Variants in MAGI2 observed in about 807,000 individuals in gnomAD.
The protein encoded by MAGI2 is membrane-associated guanylate kinase, WW and PDZ domain-containing protein 2.
Under a neutral mutation model 133.3 loss-of-function variants are expected in MAGI2, and 35 were observed. The observed-to-expected ratio is 0.26, with a 90% CI of 0.20 to 0.35. MAGI2 has a LOEUF of 0.35. Ranked by LOEUF, MAGI2 falls within the 10% of genes least tolerant of loss-of-function variation. The pLI, the probability that MAGI2 is intolerant of heterozygous loss-of-function variation, is 1.00. For synonymous variants in MAGI2, 729 were observed against 710.6 expected (o/e 1.03, Z -0.41); for missense variants, 1,636 against 1,863.4 (o/e 0.88, Z 2.25).
chr7:78,925,093 A>G (rs1455845059), intron 2 of MAGI2, among the ~76,000 whole-genome samples: 1 of 151,880 alleles, frequency 6.6e-6, no homozygotes, highest in Non-Finnish European at 1.5e-5. Context: ...TCATGTCTGG[A>G]TTGAACACAT....
chr7:78,746,823 A>C (rs1233816768), intron 2 of MAGI2, among the ~76,000 whole-genome samples: 1 of 152,142 alleles, frequency 6.6e-6, no homozygotes. Context: ...CCCACCCCCA[A>C]TTCTCTCCAC....
intron 4 of MAGI2, among the ~76,000 whole-genome samples, chr7:78,515,486 C>T (rs1299899769): frequency 6.6e-6 from 1 of 152,042 alleles, no homozygotes; most frequent in Non-Finnish European, 1.5e-5. Context: ...TCAGTTGATA[C>T]AGTAAAACTG....
At chr7:78,020,070 T>C (rs990278968) in intron 21 of MAGI2, 94 bp from the exon 22 acceptor site, 1 of 1,170,756 alleles carries the variant, frequency 8.5e-7, no homozygotes, top group Non-Finnish European at 1.2e-6. Context: ...GCTGGGGCGA[T>C]TGCTCTCAGG....
chr7:79,195,322 G>A (rs1024809282), intron 1 of MAGI2, among the ~76,000 whole-genome samples: 1 of 151,928 alleles, frequency 6.6e-6, no homozygotes, highest in African/African-American at 2.4e-5. Context: ...CATCAACTGA[G>A]CTTTTAATGA....
chr7:78,250,591 T>C (rs2150935562), intron 10 of MAGI2, among the ~76,000 whole-genome samples: 1 of 152,194 alleles, frequency 6.6e-6, no homozygotes, highest in Middle Eastern at 3.4e-3. Context: ...TTTCAAAAGT[T>C]AGTTCTTAAA....
At chr7:79,310,865 A>T (rs546592698) in intron 1 of MAGI2, among the ~76,000 whole-genome samples, 12 of 152,194 alleles carry the variant, frequency 7.9e-5, no homozygotes, top group Middle Eastern at 3.4e-3. Flanking sequence ...CTACAGCAGT[A>T]CTACATTTAC....
At chr7:78,247,325 A>T (rs1791902431) in intron 10 of MAGI2, among the ~76,000 whole-genome samples, 1 of 152,206 alleles carries the variant, frequency 6.6e-6, no homozygotes, top group Non-Finnish European at 1.5e-5. Flanking sequence ...TGCAAAGACT[A>T]TACCACTGAA....
chr7:78,795,821 C>T (rs1390956636), intron 2 of MAGI2, among the ~76,000 whole-genome samples: 1 of 151,942 alleles, frequency 6.6e-6, no homozygotes, highest in African/African-American at 2.4e-5. Flanking sequence ...GAATAGAGAA[C>T]ACAGAAACAA....
chr7:79,291,013 T>C (rs935390441), intron 1 of MAGI2, among the ~76,000 whole-genome samples: 13 of 152,150 alleles, frequency 8.5e-5, no homozygotes, highest in African/African-American at 2.2e-4. Flanking sequence ...TCACTATGAA[T>C]CATTATAAAA....
At chr7:78,962,900 G>GA (rs553972702) in intron 2 of MAGI2, among the ~76,000 whole-genome samples, 2 of 151,732 alleles carry the variant, frequency 1.3e-5, no homozygotes, top group Non-Finnish European at 2.9e-5. Context: ...TAACTGGAAA[G>GA]AAAAAAAATT....
chr7:78,593,193 C>T (rs1804226571), intron 3 of MAGI2, among the ~76,000 whole-genome samples: 1 of 151,346 alleles, frequency 6.6e-6, no homozygotes, highest in South Asian at 2.1e-4. Context: ...GAGATCGAGA[C>T]CATCCTGGCT....
At chr7:78,905,652 A>G (rs1797944532) in intron 2 of MAGI2, among the ~76,000 whole-genome samples, 1 of 152,168 alleles carries the variant, frequency 6.6e-6, no homozygotes, top group African/African-American at 2.4e-5. Context: ...GACAGCTGGA[A>G]TGCTGTCTTT....
chr7:78,701,545 A>G (rs1818075800), intron 2 of MAGI2, among the ~76,000 whole-genome samples: 1 of 151,990 alleles, frequency 6.6e-6, no homozygotes, highest in Admixed American at 6.6e-5. Context: ...GTGTAGGAAC[A>G]CTAAGTTCAC....
intron 2 of MAGI2, among the ~76,000 whole-genome samples, chr7:78,970,211 G>A (rs1288669329): frequency 1.3e-5 from 2 of 151,914 alleles, no homozygotes; most frequent in Non-Finnish European, 2.9e-5. Flanking sequence ...CATATATGAG[G>A]GTTATAAATC....
At chr7:79,440,015 G>T (rs1848394383) in intron 1 of MAGI2, among the ~76,000 whole-genome samples, 1 of 152,040 alleles carries the variant, frequency 6.6e-6, no homozygotes, top group Non-Finnish European at 1.5e-5. Flanking sequence ...CAAATGCAAG[G>T]GAAACATTTC....
chr7:78,448,825 T>C (rs2151478212), intron 6 of MAGI2, among the ~76,000 whole-genome samples: 1 of 152,206 alleles, frequency 6.6e-6, no homozygotes, highest in East Asian at 1.9e-4. Flanking sequence ...TCATTGTGTG[T>C]ATCATTAAAA....
chr7:78,049,793 T>A (rs1463865654), intron 21 of MAGI2, among the ~76,000 whole-genome samples: 1 of 152,200 alleles, frequency 6.6e-6, no homozygotes, highest in Non-Finnish European at 1.5e-5. Flanking sequence ...AAACCATCGA[T>A]GCAATGATTC....
intron 9 of MAGI2, among the ~76,000 whole-genome samples, chr7:78,267,655 C>G (rs985896814): frequency 6.6e-6 from 1 of 152,132 alleles, no homozygotes; most frequent in Non-Finnish European, 1.5e-5. Context: ...TATTATCTCT[C>G]TGATTTATGT....
At chr7:78,021,975 C>T (rs575751925) in intron 21 of MAGI2, among the ~76,000 whole-genome samples, 7 of 152,274 alleles carry the variant, frequency 4.6e-5, no homozygotes, top group East Asian at 1.9e-4. Flanking sequence ...CTGTGGAAGC[C>T]GCCTCATTAA....
Sources: gnomAD v4.1 joint callset for allele counts (sites outside exome capture counted in the v4.1 genomes callset) on GRCh38, gnomAD v4.1.1 for gene constraint, MANE v1.5 for transcripts, NCBI Gene and HGNC (gene_info 2026-07-23, HGNC 2026-07-21) for gene names.